HERC1: variants seen among roughly 807,000 people sequenced by gnomAD.
The protein encoded by HERC1 is HECT and RLD domain containing E3 ubiquitin protein ligase family member 1.
Under a neutral mutation model 554.3 loss-of-function variants are expected in HERC1, and 160 were observed. The observed-to-expected ratio is 0.29, with a 90% confidence interval of 0.25 to 0.33. HERC1 has a LOEUF of 0.33. Among genes scored for constraint, HERC1 ranks in the 10% least tolerant of loss-of-function variants. HERC1 has a pLI of 1.00. For synonymous variants in HERC1, 2,175 were observed against 2,131.7 expected (o/e 1.02, Z -0.56); for missense variants, 4,919 against 5,918.5 (o/e 0.83, Z 5.54).
chr15:63,644,387 T>C (rs914029279), intron 57 of HERC1, among the ~76,000 whole-genome samples: 3 of 152,212 alleles, frequency 2.0e-5, no homozygotes, highest in South Asian at 2.1e-4. Context: ...TACTTAAACA[T>C]TGGATTCTTA....
At chr15:63,711,238 T>C (rs916955590) in intron 24 of HERC1, among the ~76,000 whole-genome samples, 2 of 152,084 alleles carry the variant, frequency 1.3e-5, no homozygotes, top group African/African-American at 4.8e-5. Flanking sequence ...GGCAGGAGGA[T>C]TGCTTGAGCT....
Position 63,749,300 on chromosome 15 carries a change from G to C in HERC1, c.2219+67C>G. ...AGCACAATTATTTCTGTTTTTATTA[G>C]TGTTTCTACTTTTTATTGGTGTTTA... On this transcript the variant is annotated intron_variant, in intron 10 of 77. Transcript: ENST00000443617. The surrounding 1 kb of genome is among the most constrained non-coding windows in gnomAD (Gnocchi z 4.1). 8.4e-7 allele frequency: 1 copy of C among 1,190,848 alleles called. No individual in the cohort carries two copies. The highest frequency in any genetic ancestry group is 1.2e-6 in the Non-Finnish European group (1 of 845,744). The allele number at this position is 1,190,848 out of a possible 1,614,324, so 73.8% of individuals were successfully genotyped here. A position where few individuals can be genotyped will look rare whatever the true frequency, so the allele number is the denominator to read the frequency against.
chr15:63,753,922 C>G (rs2075333422), intron 7 of HERC1, among the ~76,000 whole-genome samples: 1 of 152,126 alleles, frequency 6.6e-6, no homozygotes, highest in Non-Finnish European at 1.5e-5. Flanking sequence ...GCCTGTAATA[C>G]AAGCACTTTG....
At chr15:63,699,024 C>T (rs774478507) in intron 25 of HERC1, 28 bp from the exon 26 acceptor site, 1 of 1,566,330 alleles carries the variant, frequency 6.4e-7, no homozygotes, top group Admixed American at 1.7e-5. Context: ...AAACATATAT[C>T]AATGGCAATC....
intron 1 of HERC1, among the ~76,000 whole-genome samples, chr15:63,832,124 T>G (rs1315979594): frequency 6.6e-6 from 1 of 152,202 alleles, no homozygotes; most frequent in Non-Finnish European, 1.5e-5. Flanking sequence ...CCTAGATATC[T>G]CATTCTGCCA....
At position 63,640,178 on chromosome 15, in the gene HERC1, G is replaced by T. The variant is rs781733396; in HGVS notation, c.11875C>A (p.Pro3959Thr). Residue 3959 changes from proline to threonine, a missense_variant, in exon 61 of 78, where the codon CCA becomes ACA. Around this residue, in one of 11 missense-constraint regions of HERC1, gnomAD observed 1,963 missense variants for 2,228.6 expected, o/e 0.88. Coordinates refer to ENST00000443617, the MANE Select transcript of HERC1 (RefSeq NM_003922.4). ...SFTVPDLEPV[P>T]EDELVFLMDN... is the part of the protein sequence containing the mutation. ...ATTAGAAATACAAGTTCATCCTCTG[G>T]AACAGGTTCTAGATCTGGAACGGTA... 1 of 1,613,740 alleles carries T rather than the reference G, an allele frequency of 6.2e-7. No individual in the cohort carries two copies. Among genetic ancestry groups the T allele is most frequent in the East Asian group, 2.2e-5 (1 of 44,890 alleles).
intron 3 of HERC1, among the ~76,000 whole-genome samples, chr15:63,759,005 A>C (rs2075521141): frequency 6.6e-6 from 1 of 152,162 alleles, no homozygotes; most frequent in Non-Finnish European, 1.5e-5. Context: ...CTGAGATTAC[A>C]GGCATGCAAG....
At chr15:63,719,999 G>C (rs923048238) in intron 19 of HERC1, among the ~76,000 whole-genome samples, 2 of 151,802 alleles carry the variant, frequency 1.3e-5, no homozygotes, top group African/African-American at 2.4e-5. Context: ...ATTTAAGTGG[G>C]TAAGAAATGA....
chr15:63,806,056 A>G (rs1448862372), intron 1 of HERC1, among the ~76,000 whole-genome samples: 3 of 151,748 alleles, frequency 2.0e-5, no homozygotes, highest in African/African-American at 7.3e-5. Flanking sequence ...CTCAGTATAT[A>G]TTTTTTCTTA....
intron 17 of HERC1, among the ~76,000 whole-genome samples, 191 bp from the exon 18 acceptor site, chr15:63,725,704 T>C (rs997318248): frequency 1.3e-5 from 2 of 152,196 alleles, no homozygotes; most frequent in East Asian, 1.9e-4. Flanking sequence ...AGAGAAGTTA[T>C]GCTATCAAAT....
In HERC1 at chr15:63,755,274, C is replaced by A; in HGVS notation, c.1585G>T (p.Asp529Tyr). ...TCACCCCATGTGTATAATTCCCCAT[C>A]CTCTGTGACAGCAGCACTATGTCTG... Reference protein sequence around the residue: ...GYRHSAAVTEDGELYTWGEGD... With the variant: ...GYRHSAAVTEYGELYTWGEGD... The change falls in exon 6 of 78, where the codon GAT becomes TAT. Residue 529 changes from aspartate to tyrosine, a missense_variant. Around this residue, in one of 11 missense-constraint regions of HERC1, gnomAD observed 744 missense variants for 1,090.0 expected, o/e 0.68. Coordinates refer to ENST00000443617, the MANE Select transcript of HERC1 (RefSeq NM_003922.4). 6.2e-7 allele frequency: 1 copy of A among 1,613,904 alleles called. No homozygotes were observed.
intron 51 of HERC1, among the ~76,000 whole-genome samples, chr15:63,653,575 T>G (rs1278869034): frequency 1.3e-5 from 2 of 152,214 alleles, no homozygotes; most frequent in Non-Finnish European, 2.9e-5. Context: ...ATTGGTTCCA[T>G]GATTCCCTGC....
chr15:63,651,469 G>C, intron 52 of HERC1, 89 bp from the exon 53 acceptor site: 4 of 1,239,772 alleles, frequency 3.2e-6, no homozygotes, highest in South Asian at 1.4e-5. Context: ...GTTTCATATA[G>C]ACTAGAGTGT....
At position 63,652,440 on chromosome 15, in the gene HERC1, C is replaced by T; in HGVS notation, c.10392G>A (p.Leu3464=). 6.2e-7 allele frequency: 1 copy of T among 1,612,822 alleles called. No homozygotes were observed. Among genetic ancestry groups the T allele is most frequent in the Non-Finnish European group, 8.5e-7 (1 of 1,179,214 alleles). The change falls in exon 52 of 78, where the codon CTG becomes CTA. Residue 3464 remains leucine (L), a synonymous_variant. Transcript: ENST00000443617. The stretch of plus-strand genomic sequence containing the variant: ...ATCTGTTGAACACACAGGTCTGTTG[C>T]AGTGAATATTGCTTCTTGGTAACAT... ...VWNVTKKQYS[L]QQTCVFNRLE... is the part of the protein sequence containing the mutation.
chr15:63,782,353 T>G (rs2076312753), intron 1 of HERC1, among the ~76,000 whole-genome samples: 2 of 152,190 alleles, frequency 1.3e-5, no homozygotes, highest in Admixed American at 1.3e-4. Flanking sequence ...CTAGGGCACC[T>G]AAGAATTATT....
intron 56 of HERC1, 126 bp from the exon 57 acceptor site, chr15:63,645,223 A>C (rs959486335): frequency 4.0e-6 from 3 of 754,800 alleles, no homozygotes; most frequent in African/African-American, 3.5e-5. Context: ...TTTGTAGTAC[A>C]TACAATCTTT....
chr15:63,833,747 GCGCGCGCACACACACACACACACACA>G (rs1454477423), intron 1 of HERC1, 54 bp downstream of exon 1: 8 of 117,738 alleles, frequency 6.8e-5, no homozygotes, highest in African/African-American at 3.3e-4. Context: ...GCACACACGC[GCGCGCGCACACACACACACACACACA>G]CACACACACA....
intron 47 of HERC1, among the ~76,000 whole-genome samples, chr15:63,659,494 CTTCT>C (rs2152924587): frequency 1.3e-5 from 2 of 152,280 alleles, no homozygotes; most frequent in South Asian, 4.1e-4. Context: ...CTCAAGCGAC[CTTCT>C]TTCTTCAGCC....
intron 52 of HERC1, among the ~76,000 whole-genome samples, chr15:63,652,042 G>A (rs11857787): frequency 0.17 from 26,416 of 151,192 alleles, 2,489 homozygotes; most frequent in Middle Eastern, 0.22. Flanking sequence ...TCTCAAAAAA[G>A]AAAAAAACAA....
Sources: allele counts gnomAD v4.1 joint callset (sites outside exome capture counted in the v4.1 genomes callset), GRCh38; gene constraint gnomAD v4.1.1; regional missense constraint gnomAD v4.1.1; non-coding constraint Gnocchi (gnomAD v3.1); transcripts MANE v1.5; gene names NCBI Gene and HGNC (gene_info 2026-07-23, HGNC 2026-07-21).